DLGAP2: variants seen among roughly 807,000 people sequenced by gnomAD.
The protein encoded by DLGAP2 is disks large-associated protein 2.
DLGAP2 carries 26 observed loss-of-function variants against 100.3 expected under a neutral mutation model. The ratio of observed to expected loss-of-function variants is 0.26; its 90% CI spans 0.19 to 0.36. DLGAP2 has a LOEUF of 0.36. DLGAP2 is among the 10% of genes least tolerant of loss of function. The pLI, the probability that DLGAP2 is intolerant of heterozygous loss-of-function variation, is 1.00. For synonymous variants in DLGAP2, 886 were observed against 630.1 expected, an observed-to-expected ratio of 1.41 and a Z score of -6.08; for missense variants, 1,858 against 1,453.2, an observed-to-expected ratio of 1.28 and a Z score of -4.53.
intron 3 of DLGAP2, among the ~76,000 whole-genome samples, chr8:1,438,858 G>C (rs1238148940): frequency 6.6e-6 from 1 of 152,176 alleles, no homozygotes; most frequent in South Asian, 2.1e-4. Flanking sequence ...AGTGGAATGG[G>C]CTGTAATACC....
chr8:1,030,666 G>A (rs1265415130), intron 2 of DLGAP2, among the ~76,000 whole-genome samples: 1 of 152,180 alleles, frequency 6.6e-6, no homozygotes, highest in Non-Finnish European at 1.5e-5. Flanking sequence ...TCCGGAATGT[G>A]GGCTCTACCC....
chr8:865,784 G>A (rs1327740908), intron 1 of DLGAP2, among the ~76,000 whole-genome samples: 2 of 152,180 alleles, frequency 1.3e-5, no homozygotes, highest in African/African-American at 4.8e-5. Flanking sequence ...GGACCTTCGT[G>A]TACATTCCAG....
intron 3 of DLGAP2, among the ~76,000 whole-genome samples, chr8:1,436,598 G>A (rs1303240262): frequency 2.0e-5 from 3 of 152,260 alleles, no homozygotes; most frequent in Admixed American, 6.5e-5. Context: ...AGTATGCTAA[G>A]GTTAACTTAT....
At chr8:823,821 G>A (rs1037667592) in intron 1 of DLGAP2, among the ~76,000 whole-genome samples, 3 of 152,182 alleles carry the variant, frequency 2.0e-5, no homozygotes, top group Admixed American at 6.5e-5. Flanking sequence ...CAGCCAGGAC[G>A]GGGGAGGTCA....
chr8:1,185,704 C>T (rs943511289), intron 2 of DLGAP2, among the ~76,000 whole-genome samples: 13 of 105,944 alleles, frequency 1.2e-4, no homozygotes, highest in Admixed American at 1.2e-3. Flanking sequence ...CACACACACT[C>T]ACACTCACAC....
chr8:1,378,033 C>G (rs912479932), intron 3 of DLGAP2: 3 of 145,430 alleles, frequency 2.1e-5, no homozygotes, highest in African/African-American at 8.8e-5. Flanking sequence ...AATCAGACAG[C>G]TGCCCCAAGA....
intron 2 of DLGAP2, among the ~76,000 whole-genome samples, chr8:1,075,959 G>A (rs1270216892): frequency 6.6e-6 from 1 of 152,122 alleles, no homozygotes; most frequent in Non-Finnish European, 1.5e-5. Flanking sequence ...GATGGTCTGG[G>A]CCTGAGTTCT....
At chr8:823,493 T>C (rs1796627197) in intron 1 of DLGAP2, among the ~76,000 whole-genome samples, 1 of 152,116 alleles carries the variant, frequency 6.6e-6, no homozygotes. Flanking sequence ...CACTCTGGTG[T>C]GTTTAAGCAG....
At chr8:779,883 C>T (rs1821641085) in intron 1 of DLGAP2, among the ~76,000 whole-genome samples, 2 of 151,928 alleles carry the variant, frequency 1.3e-5, no homozygotes, top group African/African-American at 2.4e-5. Context: ...TTTAAATTGA[C>T]AAATAATCAC....
chr8:875,801 T>C (rs1199444382), intron 1 of DLGAP2, among the ~76,000 whole-genome samples: 1 of 152,214 alleles, frequency 6.6e-6, no homozygotes, highest in Non-Finnish European at 1.5e-5. Flanking sequence ...TTGAGTCATT[T>C]ATTTCGTGTT....
At chr8:1,139,497 G>C (rs1796483868) in intron 2 of DLGAP2, among the ~76,000 whole-genome samples, 1 of 152,172 alleles carries the variant, frequency 6.6e-6, no homozygotes, top group African/African-American at 2.4e-5. Context: ...GCCTCCCTCG[G>C]CGCTAATCCC....
chr8:1,436,853 T>C (rs936884352), intron 3 of DLGAP2, among the ~76,000 whole-genome samples: 28 of 152,196 alleles, frequency 1.8e-4, no homozygotes, highest in Non-Finnish European at 5.9e-5. Context: ...TTTTGTACCA[T>C]ATTTTTACTG....
chr8:1,192,903 A>C (rs1413707921), intron 2 of DLGAP2, among the ~76,000 whole-genome samples: 1 of 151,082 alleles, frequency 6.6e-6, no homozygotes, highest in East Asian at 1.9e-4. Context: ...CTTCCCACCT[A>C]TGAGTGAGAA....
chr8:757,311 C>T (rs1820946242), intron 1 of DLGAP2, among the ~76,000 whole-genome samples: 1 of 152,202 alleles, frequency 6.6e-6, no homozygotes, highest in Non-Finnish European at 1.5e-5. Context: ...AGCCAACCTG[C>T]CCTCATCCAG....
At chr8:1,077,249 G>C (rs981338966) in intron 2 of DLGAP2, among the ~76,000 whole-genome samples, 1 of 152,160 alleles carries the variant, frequency 6.6e-6, no homozygotes, top group Admixed American at 6.5e-5. Flanking sequence ...ACCTTACCTC[G>C]TCACCTCTGT....
At chr8:1,607,888 T>C (rs1418396724) in intron 6 of DLGAP2, among the ~76,000 whole-genome samples, 2 of 149,334 alleles carry the variant, frequency 1.3e-5, no homozygotes, top group South Asian at 2.2e-4. Context: ...CGGAGGGTCC[T>C]ACGCCCACGG....
At chr8:1,658,876 T>G (rs189879671) in intron 8 of DLGAP2, among the ~76,000 whole-genome samples, 114 of 152,316 alleles carry the variant, frequency 7.5e-4, no homozygotes, top group African/African-American at 2.5e-3. Flanking sequence ...CTGCTAGCTT[T>G]TGAGTTTGTT....
chr8:828,822 G>T (rs946581193), intron 1 of DLGAP2, among the ~76,000 whole-genome samples: 2 of 152,134 alleles, frequency 1.3e-5, no homozygotes, highest in African/African-American at 4.8e-5. Context: ...CACAATCCAC[G>T]TTCTTCTGCC....
chr8:1,033,726 C>T (rs572045276), intron 2 of DLGAP2, among the ~76,000 whole-genome samples: 30 of 150,746 alleles, frequency 2.0e-4, no homozygotes, highest in African/African-American at 6.4e-4. Flanking sequence ...CCCCGCGTGT[C>T]ACCGCGAGTG....
Sources: gnomAD v4.1 joint callset for allele counts (sites outside exome capture counted in the v4.1 genomes callset) on GRCh38, gnomAD v4.1.1 for gene constraint, MANE v1.5 for transcripts, NCBI Gene and HGNC (gene_info 2026-07-23, HGNC 2026-07-21) for gene names.